Variants in SGCZ observed in about 807,000 individuals in gnomAD.
The protein encoded by SGCZ is zeta-sarcoglycan.
In SGCZ, 40 loss-of-function variants were observed where a neutral mutation model predicts 41.3. That is an observed-to-expected ratio of 0.97 (90% confidence interval 0.75 to 1.26). The LOEUF is 1.26. SGCZ is among the 50% of genes most tolerant of loss of function. The pLI, the probability that SGCZ is intolerant of heterozygous loss-of-function variation, is 0.00. For synonymous variants in SGCZ, 206 were observed against 137.5 expected (o/e 1.50, Z -3.49); for missense variants, 552 against 369.8 (o/e 1.49, Z -4.04).
intron 2 of SGCZ, among the ~76,000 whole-genome samples, chr8:14,327,541 T>C (rs1164726847): frequency 6.6e-6 from 1 of 152,136 alleles, no homozygotes; most frequent in East Asian, 1.9e-4. Flanking sequence ...CAATTGTAAT[T>C]CCCATTTCAA....
chr8:14,573,640 T>C (rs1198046659), intron 1 of SGCZ, among the ~76,000 whole-genome samples: 1 of 152,190 alleles, frequency 6.6e-6, no homozygotes, highest in African/African-American at 2.4e-5. Flanking sequence ...ATCTTTTCTG[T>C]TCTCTTATGG....
chr8:14,467,717 C>G (rs1441874067), intron 2 of SGCZ, among the ~76,000 whole-genome samples: 1 of 152,056 alleles, frequency 6.6e-6, no homozygotes, highest in Non-Finnish European at 1.5e-5. Context: ...GTCCTTCCTA[C>G]ACTTCCATCT....
intron 1 of SGCZ, among the ~76,000 whole-genome samples, chr8:14,814,374 G>A (rs949322044): frequency 6.6e-6 from 1 of 152,072 alleles, no homozygotes; most frequent in Non-Finnish European, 1.5e-5. Context: ...GTAGAAGAAG[G>A]AAGGGCAAAG....
chr8:14,556,622 T>C (rs988615775), intron 1 of SGCZ, among the ~76,000 whole-genome samples: 4 of 151,998 alleles, frequency 2.6e-5, no homozygotes, highest in African/African-American at 4.8e-5. Flanking sequence ...CCAAAGTCCA[T>C]TGTGTCATTC....
chr8:14,805,964 C>G (rs200019626), intron 1 of SGCZ, among the ~76,000 whole-genome samples: 46,121 of 148,332 alleles, frequency 0.31, 8,542 homozygotes, highest in East Asian at 0.48. Flanking sequence ...ACTGAACAAC[C>G]TGCTCCTGAA....
intron 5 of SGCZ, among the ~76,000 whole-genome samples, chr8:14,163,768 G>A (rs570527604): frequency 4.3e-4 from 66 of 152,122 alleles, no homozygotes; most frequent in Non-Finnish European, 8.2e-4. Flanking sequence ...TGACCCACAG[G>A]ACTGTTTGAC....
At chr8:15,008,144 T>C (rs1460049173) in intron 1 of SGCZ, among the ~76,000 whole-genome samples, 16 of 152,140 alleles carry the variant, frequency 1.1e-4, no homozygotes, top group Admixed American at 1.0e-3. Context: ...TATCCCATTT[T>C]CTCTCTCTTT....
rs755831728 is a variant in SGCZ, at chr8:14,164,672, C to A, written c.455G>T (p.Arg152Ile). Residue 152 changes from arginine to isoleucine, a missense_variant, in exon 5 of 8, where the codon AGA becomes ATA. Arg to Ile is a moderately conservative substitution (Grantham distance 97). Transcript: ENST00000382080. ...GADAVEAQCK[R>I]FEVRASEDGR... ...ATCTTCACTGGCTCTCACTTCAAAT[C>A]TTTTACACTGAGCTTCCACAGCATC... The A allele has an allele frequency of 1.2e-6, 2 of 1,613,462 alleles. No homozygotes were observed. The highest frequency in any genetic ancestry group is 1.7e-5 in the Admixed American group (1 of 59,914).
At position 14,781,637 on chromosome 8, in the gene SGCZ, T is replaced by C. The variant is rs377659238; in HGVS notation, c.40-226711A>G. Among the ~76,000 whole-genome samples, 3 of 152,324 alleles carry C rather than the reference T, an allele frequency of 2.0e-5. No individual in the cohort carries two copies. In the South Asian group the frequency reaches 6.2e-4, roughly 32 times the overall value. ...CATTCATTTCTAATAACATAATATA[T>C]ATAGCAACTAGTTGCTACATATAGA... On this transcript the variant is annotated intron_variant, in intron 1 of 7. Coordinates refer to ENST00000382080, the MANE Select transcript of SGCZ (RefSeq NM_139167.4).
intron 1 of SGCZ, among the ~76,000 whole-genome samples, chr8:15,168,315 A>G (rs990283566): frequency 2.2e-4 from 33 of 152,172 alleles, no homozygotes; most frequent in African/African-American, 8.0e-4. Context: ...AGCCAACCCC[A>G]GGCTTCCTGT....
chr8:14,628,003 C>T (rs1585136828), intron 1 of SGCZ, among the ~76,000 whole-genome samples: 1 of 152,050 alleles, frequency 6.6e-6, no homozygotes, highest in South Asian at 2.1e-4. Flanking sequence ...ATCACTATGT[C>T]CCAGTTTATC....
chr8:15,209,111 T>C (rs1801161763), intron 1 of SGCZ, among the ~76,000 whole-genome samples: 1 of 150,606 alleles, frequency 6.6e-6, no homozygotes, highest in Non-Finnish European at 1.5e-5. Flanking sequence ...AATATCTTAG[T>C]TTTTCCATCT....
At chr8:14,713,891 C>G (rs1191498145) in intron 1 of SGCZ, among the ~76,000 whole-genome samples, 2 of 152,118 alleles carry the variant, frequency 1.3e-5, no homozygotes, top group Non-Finnish European at 2.9e-5. Context: ...ATCACCTTAA[C>G]TTACGATATT....
chr8:14,144,598 G>A (rs140712678), intron 5 of SGCZ, among the ~76,000 whole-genome samples: 1 of 152,166 alleles, frequency 6.6e-6, no homozygotes, highest in Non-Finnish European at 1.5e-5. Flanking sequence ...GAAAAGCAGA[G>A]GGAAAAGTAA....
At chr8:14,306,374 C>G (rs1366945245) in intron 3 of SGCZ, among the ~76,000 whole-genome samples, 1 of 152,098 alleles carries the variant, frequency 6.6e-6, no homozygotes, top group Non-Finnish European at 1.5e-5. Flanking sequence ...AGATTAGGTG[C>G]TTGATTAACT....
chr8:14,212,605 A>C (rs2117099237), intron 4 of SGCZ, among the ~76,000 whole-genome samples: 1 of 152,286 alleles, frequency 6.6e-6, no homozygotes, highest in East Asian at 1.9e-4. Flanking sequence ...GAAGATTTCA[A>C]TAGGATCAAG....
At position 14,260,946 on chromosome 8, in the gene SGCZ, G is replaced by T. The variant is rs539764445; in HGVS notation, c.337-23267C>A. On this transcript the variant is annotated intron_variant, in intron 3 of 7. Coordinates refer to ENST00000382080, the MANE Select transcript of SGCZ (RefSeq NM_139167.4). ...GGAATATCACACTCCAGGGACAGTTGTGGGGTGTGGGGAGTGGGGAGGGAT... is the reference window on the plus strand; with the variant it reads ...GGAATATCACACTCCAGGGACAGTTTTGGGGTGTGGGGAGTGGGGAGGGAT... 2.3e-4 allele frequency among the ~76,000 whole-genome samples: 35 copies of T among 152,296 alleles called. No homozygotes were observed. The South Asian group carries it at 5.8e-3, about 25-fold the overall frequency.
Position 14,680,680 on chromosome 8 carries a change from G to C in SGCZ, c.40-125754C>G, listed in dbSNP as rs570188718. Among the ~76,000 whole-genome samples, 4 of 151,626 alleles carry C rather than the reference G, an allele frequency of 2.6e-5. No homozygotes were observed. In the East Asian group the frequency reaches 7.7e-4, roughly 29 times the overall value. ...GAGAGACATAGATTGTACGGAGCAA[G>C]AAATCTCACAGATATAATTAGTGAA... On this transcript the variant is annotated intron_variant, in intron 1 of 7. Transcript: ENST00000382080.
chr8:14,719,796 T>A (rs1050019851), intron 1 of SGCZ, among the ~76,000 whole-genome samples: 7 of 151,858 alleles, frequency 4.6e-5, no homozygotes, highest in Admixed American at 1.3e-4. Flanking sequence ...TTCTCCCATT[T>A]TGTAGGTTGC....
Sources: allele counts gnomAD v4.1 joint callset (sites outside exome capture counted in the v4.1 genomes callset), GRCh38; gene constraint gnomAD v4.1.1; transcripts MANE v1.5; gene names NCBI Gene and HGNC (gene_info 2026-07-23, HGNC 2026-07-21).